The following STK32B variants were observed in gnomAD, a reference collection of about 807,000 sequenced individuals.
STK32B encodes serine/threonine kinase 32B, also known as serine/threonine-protein kinase 32B.
STK32B carries 43 observed loss-of-function variants against 52.6 expected under a neutral mutation model. That is an observed-to-expected ratio of 0.82 (90% confidence interval 0.64 to 1.05). The LOEUF is 1.05. STK32B is among the 50% of genes least tolerant of loss of function. The pLI is 0.00. For missense variants in STK32B, 621 were observed against 534.6 expected (o/e 1.16, Z -1.59); for synonymous variants, 238 against 204.3 (o/e 1.17, Z -1.41).
At chr4:5,211,025 G>C (rs1722874232) in intron 3 of STK32B, among the ~76,000 whole-genome samples, 1 of 151,940 alleles carries the variant, frequency 6.6e-6, no homozygotes, top group Non-Finnish European at 1.5e-5. Flanking sequence ...AAACTCCTGA[G>C]CTCAAATGAT....
intron 3 of STK32B, among the ~76,000 whole-genome samples, chr4:5,210,929 G>A (rs1274651639): frequency 1.3e-5 from 2 of 151,830 alleles, no homozygotes; most frequent in Non-Finnish European, 2.9e-5. Flanking sequence ...ATGAGTAGCT[G>A]GGACTACAGG....
chr4:5,306,629 C>T (rs1269931642), intron 3 of STK32B, among the ~76,000 whole-genome samples: 1 of 152,066 alleles, frequency 6.6e-6, no homozygotes, highest in Non-Finnish European at 1.5e-5. Context: ...GCATTTAGGC[C>T]ATTCACATTC....
the STK32B span, among the ~76,000 whole-genome samples, chr4:5,032,469 T>A: frequency 1.3e-5 from 1 of 79,506 alleles, no homozygotes; most frequent in Admixed American, 2.2e-4. Flanking sequence ...AAAGCAAGAC[T>A]CCATCTCAAA....
chr4:5,059,052 C>CTTTTTTTTTTTTT (rs3072775), intron 1 of STK32B, among the ~76,000 whole-genome samples: 1,528 of 86,854 alleles, frequency 0.018, 362 homozygotes, highest in East Asian at 0.024. Context: ...CGCCCAGCTG[C>CTTTTTTTTTTTTT]TTTTTTTTTT....
chr4:5,240,436 T>C (rs1724943187), intron 3 of STK32B, among the ~76,000 whole-genome samples: 1 of 152,156 alleles, frequency 6.6e-6, no homozygotes, highest in South Asian at 2.1e-4. Flanking sequence ...TTTTGACATG[T>C]AGAAGTTTTA....
At chr4:5,106,188 G>A (rs1006993136) in intron 1 of STK32B, among the ~76,000 whole-genome samples, 1 of 152,098 alleles carries the variant, frequency 6.6e-6, no homozygotes, top group Non-Finnish European at 1.5e-5. Flanking sequence ...TGTGATCCCA[G>A]CTACTTGGGA....
intron 1 of STK32B, among the ~76,000 whole-genome samples, chr4:5,134,943 A>G (rs190502810): frequency 1.3e-5 from 2 of 152,232 alleles, no homozygotes; most frequent in African/African-American, 2.4e-5. Context: ...GAATATTGCA[A>G]TGTTGAAAGC....
At chr4:5,266,102 C>G (rs1220816479) in intron 3 of STK32B, among the ~76,000 whole-genome samples, 1 of 152,142 alleles carries the variant, frequency 6.6e-6, no homozygotes, top group Non-Finnish European at 1.5e-5. Context: ...TCCCAATAAT[C>G]AAATTCATTA....
intron 1 of STK32B, among the ~76,000 whole-genome samples, chr4:5,084,901 A>G (rs1712633451): frequency 6.6e-6 from 1 of 152,136 alleles, no homozygotes; most frequent in Non-Finnish European, 1.5e-5. Flanking sequence ...TTGAACAACA[A>G]CTCCATGCCC....
At chr4:5,431,878 A>G (rs1713614801) in intron 6 of STK32B, among the ~76,000 whole-genome samples, 1 of 152,168 alleles carries the variant, frequency 6.6e-6, no homozygotes, top group Admixed American at 6.5e-5. Flanking sequence ...TACCCCCCAA[A>G]GGATTAAGAG....
intron 3 of STK32B, among the ~76,000 whole-genome samples, chr4:5,263,505 C>G (rs1408952527): frequency 6.6e-6 from 1 of 152,178 alleles, no homozygotes; most frequent in Non-Finnish European, 1.5e-5. Flanking sequence ...ACTTATTATC[C>G]CCAAAATACA....
the STK32B span, among the ~76,000 whole-genome samples, chr4:5,028,907 C>T: frequency 2.6e-5 from 4 of 152,328 alleles, no homozygotes; most frequent in Admixed American, 6.5e-5. Flanking sequence ...ATCTGCTCAG[C>T]CTCAGGAAAC....
intron 11 of STK32B, among the ~76,000 whole-genome samples, chr4:5,487,651 A>G (rs1268280684): frequency 1.3e-5 from 2 of 152,236 alleles, no homozygotes; most frequent in Non-Finnish European, 2.9e-5. Flanking sequence ...GTTATCGTCA[A>G]AATAGCCTAG....
intron 3 of STK32B, among the ~76,000 whole-genome samples, chr4:5,269,174 A>G (rs1727251581): frequency 6.6e-6 from 1 of 152,168 alleles, no homozygotes; most frequent in Admixed American, 6.5e-5. Flanking sequence ...TATTCGGGTG[A>G]GTGCTGATCA....
intron 11 of STK32B, among the ~76,000 whole-genome samples, chr4:5,495,092 C>G (rs6446366): frequency 0.019 from 2,854 of 152,116 alleles, 105 homozygotes; most frequent in African/African-American, 0.065. Flanking sequence ...TTGTGGCATT[C>G]TCTGTATTTC....
intron 2 of STK32B, among the ~76,000 whole-genome samples, chr4:5,156,560 A>G (rs182669591): frequency 6.6e-6 from 1 of 152,274 alleles, no homozygotes; most frequent in African/African-American, 2.4e-5. Flanking sequence ...ACTTTGAGTT[A>G]ACTCTGTAGT....
chr4:5,288,238 T>A (rs1389936709), intron 3 of STK32B, among the ~76,000 whole-genome samples: 3 of 152,166 alleles, frequency 2.0e-5, no homozygotes, highest in Admixed American at 6.5e-5. Context: ...GTTTTTCACT[T>A]CTCTTAGGTA....
At chr4:5,430,074 T>A (rs960671034) in intron 6 of STK32B, among the ~76,000 whole-genome samples, 1 of 152,120 alleles carries the variant, frequency 6.6e-6, no homozygotes, top group Non-Finnish European at 1.5e-5. Context: ...CTTTTTGATA[T>A]TTACTCTGGT....
At chr4:5,122,034 A>G (rs1715051426) in intron 1 of STK32B, among the ~76,000 whole-genome samples, 1 of 152,184 alleles carries the variant, frequency 6.6e-6, no homozygotes. Flanking sequence ...CCATTCACTC[A>G]CTCATTCATT....
Sources: allele counts gnomAD v4.1 joint callset (sites outside exome capture counted in the v4.1 genomes callset), GRCh38; gene constraint gnomAD v4.1.1; transcripts MANE v1.5; gene names NCBI Gene and HGNC (gene_info 2026-07-23, HGNC 2026-07-21).